NTM: variants seen among roughly 807,000 people sequenced by gnomAD.
NTM encodes neurotrimin.
A neutral mutation model predicts 42.1 loss-of-function variants in NTM; 13 were observed. The ratio of observed to expected loss-of-function variants is 0.31; its 90% CI spans 0.20 to 0.49. NTM has a LOEUF of 0.49. NTM is among the 20% of genes least tolerant of loss of function. NTM has a pLI of 0.99. For synonymous variants in NTM, 187 were observed against 179.2 expected, an observed-to-expected ratio of 1.04 and a Z score of -0.35; for missense variants, 373 against 452.8, an observed-to-expected ratio of 0.82 and a Z score of 1.60.
At chr11:131,800,113 G>A (rs1316968284) in intron 1 of NTM, among the ~76,000 whole-genome samples, 1 of 152,204 alleles carries the variant, frequency 6.6e-6, no homozygotes, top group Non-Finnish European at 1.5e-5. Context: ...CGGAATGGGT[G>A]ATGCTGAAGG....
rs115176089 is a variant in NTM at position 131,583,396 on chromosome 11, C to T, written c.82+212508C>T. Among the ~76,000 whole-genome samples the T allele has an allele frequency of 3.9e-3, 590 of 152,274 alleles. 4 individuals are homozygous for T. Among genetic ancestry groups the T allele is most frequent in the African/African-American group, 0.014 (578 of 41,554 alleles). On this transcript the variant is annotated intron_variant, in intron 1 of 8. Transcript: ENST00000683400. ...AAAATATTAAATCTGTCTAAGATATCTTCTTCATAAAATATTAAGAGAAAA... is the reference window on the plus strand; with the variant it reads ...AAAATATTAAATCTGTCTAAGATATTTTCTTCATAAAATATTAAGAGAAAA...
intron 2 of NTM, among the ~76,000 whole-genome samples, chr11:132,052,041 T>C (rs1344208833): frequency 6.6e-6 from 1 of 152,112 alleles, no homozygotes; most frequent in Non-Finnish European, 1.5e-5. Context: ...ACATTTTACC[T>C]CTAAAATGTA....
chr11:131,820,183 GC>G (rs2136403511), intron 1 of NTM, among the ~76,000 whole-genome samples: 1 of 152,220 alleles, frequency 6.6e-6, no homozygotes, highest in East Asian at 1.9e-4. Context: ...ATTAACAAGG[GC>G]CCCTCCTCTC....
At chr11:132,176,404 C>T (rs2076819306) in intron 3 of NTM, among the ~76,000 whole-genome samples, 1 of 151,436 alleles carries the variant, frequency 6.6e-6, no homozygotes, top group South Asian at 2.1e-4. Flanking sequence ...TTTTTCATCT[C>T]AATAGCAGAT....
intron 1 of NTM, among the ~76,000 whole-genome samples, chr11:131,897,642 G>A (rs2052512882): frequency 6.6e-6 from 1 of 152,172 alleles, no homozygotes; most frequent in Admixed American, 6.5e-5. Flanking sequence ...TATAAAGGTA[G>A]AAATAACTTC....
At chr11:131,470,104 G>C (rs564522440) in intron 1 of NTM, among the ~76,000 whole-genome samples, 26 of 152,312 alleles carry the variant, frequency 1.7e-4, no homozygotes, top group East Asian at 1.4e-3. Context: ...CCTCTTCTGT[G>C]ACTCATTTCA....
At chr11:131,469,443 C>T (rs1199711550) in intron 1 of NTM, among the ~76,000 whole-genome samples, 1 of 152,182 alleles carries the variant, frequency 6.6e-6, no homozygotes, top group Non-Finnish European at 1.5e-5. Flanking sequence ...TGATGACTTG[C>T]CCAAGGTCAT....
At chr11:131,817,465 G>C (rs2092996556) in intron 1 of NTM, among the ~76,000 whole-genome samples, 1 of 151,978 alleles carries the variant, frequency 6.6e-6, no homozygotes, top group East Asian at 1.9e-4. Context: ...TCCATCTTTT[G>C]CTTCAGCCTG....
intron 1 of NTM, among the ~76,000 whole-genome samples, chr11:131,558,739 C>G (rs1350421334): frequency 6.6e-6 from 1 of 152,074 alleles, no homozygotes; most frequent in Non-Finnish European, 1.5e-5. Flanking sequence ...ACATAAGGTT[C>G]ACGTCTTTGA....
chr11:131,852,651 T>C (rs765213567), intron 1 of NTM, among the ~76,000 whole-genome samples: 10 of 152,148 alleles, frequency 6.6e-5, no homozygotes, highest in Non-Finnish European at 1.3e-4. Context: ...TACCTTTTGA[T>C]TTATTTTGAT....
chr11:132,215,693 A>G (rs1165413667), intron 4 of NTM, among the ~76,000 whole-genome samples: 3 of 152,356 alleles, frequency 2.0e-5, no homozygotes, highest in East Asian at 1.9e-4. Flanking sequence ...GTATATTATT[A>G]TGGGCATTAT....
chr11:132,010,830 G>A (rs1172106386), intron 2 of NTM, among the ~76,000 whole-genome samples: 1 of 151,936 alleles, frequency 6.6e-6, no homozygotes, highest in Non-Finnish European at 1.5e-5. Flanking sequence ...TCTCTCTTAA[G>A]AATTCCCTGA....
In NTM at chr11:131,789,636, A is replaced by AGAGG. The variant is rs1555127949; in HGVS notation, c.83-121928_83-121927insGAGG. Among the ~76,000 whole-genome samples, 2 of 30,900 alleles carry AGAGG rather than the reference A, an allele frequency of 6.5e-5. 1 individual carries two copies. Among genetic ancestry groups the AGAGG allele is most frequent in the African/African-American group, 2.4e-4 (2 of 8,276 alleles). 20.3% of individuals were successfully genotyped at this position (30,900 alleles called of 152,430 possible). A position where few individuals can be genotyped will look rare whatever the true frequency, so the allele number is the denominator to read the frequency against. Reference sequence around the variant, plus strand: ...AAGAAGAAGAAGAAGAAGAAGAAGAAAAGAAGAAGAAGAAGAAGAAGAAGA... The same window carrying AGAGG: ...AAGAAGAAGAAGAAGAAGAAGAAGAAGAGGAAGAAGAAGAAGAAGAAGAAGAAGA... On this transcript the variant is annotated intron_variant, in intron 1 of 8. Coordinates refer to ENST00000683400, the MANE Select transcript of NTM (RefSeq NM_001352005.2).
intron 1 of NTM, among the ~76,000 whole-genome samples, chr11:131,560,100 C>T (rs2056026945): frequency 6.6e-6 from 1 of 152,200 alleles, no homozygotes; most frequent in South Asian, 2.1e-4. Flanking sequence ...ACAATTGCTG[C>T]CCCACGTGTC....
chr11:131,936,676 T>TACACACACAA (rs756768284), intron 2 of NTM, among the ~76,000 whole-genome samples: 1 of 152,146 alleles, frequency 6.6e-6, no homozygotes, highest in East Asian at 1.9e-4. Context: ...CGCACATGCA[T>TACACACACAA]ACACACACAA....
intron 2 of NTM, among the ~76,000 whole-genome samples, chr11:132,041,497 A>G (rs961613769): frequency 6.6e-6 from 1 of 152,148 alleles, no homozygotes; most frequent in Admixed American, 6.5e-5. Context: ...TTAGTCAGTC[A>G]TACATTTTAT....
intron 4 of NTM, among the ~76,000 whole-genome samples, chr11:132,252,873 C>T (rs1591545263): frequency 6.6e-6 from 1 of 152,124 alleles, no homozygotes; most frequent in Non-Finnish European, 1.5e-5. Context: ...GCTCCATTTC[C>T]CATTTGGAGA....
intron 2 of NTM, among the ~76,000 whole-genome samples, chr11:131,955,458 G>A (rs2061456697): frequency 6.6e-6 from 1 of 152,146 alleles, no homozygotes; most frequent in African/African-American, 2.4e-5. Flanking sequence ...AGAAAATGAT[G>A]CCTCTTCAAG....
At chr11:131,911,681 G>A (rs2137971800) in intron 2 of NTM, 33 bp downstream of exon 2, 2 of 1,612,764 alleles carry the variant, frequency 1.2e-6, no homozygotes, top group Non-Finnish European at 8.5e-7. Context: ...CGAACTGATG[G>A]TTTGTATGGG....
Sources: gnomAD v4.1 joint callset for allele counts (sites outside exome capture counted in the v4.1 genomes callset) on GRCh38, gnomAD v4.1.1 for gene constraint, MANE v1.5 for transcripts, NCBI Gene and HGNC (gene_info 2026-07-23, HGNC 2026-07-21) for gene names.